Variants in NUDCD3 observed in about 807,000 individuals in gnomAD.
NUDCD3 encodes the protein NudC domain containing 3, also known as nudC domain-containing protein 3.
Under a neutral mutation model 39.7 loss-of-function variants are expected in NUDCD3, and 13 were observed. The observed-to-expected ratio is 0.33, with a 90% CI of 0.21 to 0.52. NUDCD3 has a LOEUF of 0.52. NUDCD3 is among the 20% of genes least tolerant of loss of function. NUDCD3 has a pLI of 0.96. For synonymous variants in NUDCD3, 175 were observed against 172.4 expected, an observed-to-expected ratio of 1.02 and a Z score of -0.12; for missense variants, 453 against 458.1, an observed-to-expected ratio of 0.99 and a Z score of 0.10.
chr7:44,405,635 T>C (rs181723861), intron 3 of NUDCD3, among the ~76,000 whole-genome samples: 21 of 152,196 alleles, frequency 1.4e-4, no homozygotes, highest in African/African-American at 4.8e-4. Flanking sequence ...TAAACGCTTA[T>C]AAAATGATTG....
Position 44,386,123 on chromosome 7 carries a change from T to TGA in NUDCD3, c.976-3_976-2insTC. ...CTTCTTCAGCATCTCATGGACTTTC[T>TGA]ACAAACAGAAAATAGAGAGATTAAA... is the stretch of plus-strand genomic sequence containing the variant. On this transcript the variant is annotated splice_polypyrimidine_tract_variant and splice_region_variant and intron_variant, in intron 5 of 5. Transcript: ENST00000355451. 6.2e-7 allele frequency: 1 copy of TGA among 1,614,128 alleles called. No individual in the cohort carries two copies. The highest frequency in any genetic ancestry group is 1.7e-5 in the Admixed American group (1 of 60,016).
chr7:44,396,183 T>TA (rs1798621813), intron 4 of NUDCD3, among the ~76,000 whole-genome samples: 1 of 151,834 alleles, frequency 6.6e-6, no homozygotes, highest in South Asian at 2.1e-4. Flanking sequence ...GTCCTGACCA[T>TA]ATACACACAG....
At chr7:44,457,914 C>T (rs967185139) in intron 2 of NUDCD3, among the ~76,000 whole-genome samples, 2 of 152,188 alleles carry the variant, frequency 1.3e-5, no homozygotes, top group African/African-American at 4.8e-5. Flanking sequence ...CTTTGGAAAA[C>T]AGCCTGGCAC....
At chr7:44,422,610 A>C (rs1284465244) in intron 3 of NUDCD3, among the ~76,000 whole-genome samples, 9 of 152,228 alleles carry the variant, frequency 5.9e-5, no homozygotes, top group Admixed American at 5.2e-4. Flanking sequence ...CCCTGAAAAG[A>C]CCAATAACAA....
intron 5 of NUDCD3, among the ~76,000 whole-genome samples, chr7:44,389,018 A>G (rs1466758772): frequency 1.3e-5 from 2 of 152,252 alleles, no homozygotes; most frequent in East Asian, 1.9e-4. Context: ...TTGCAGGCAC[A>G]GGGACTTTCT....
intron 2 of NUDCD3, among the ~76,000 whole-genome samples, chr7:44,475,983 C>G (rs1433096823): frequency 6.6e-6 from 1 of 152,010 alleles, no homozygotes; most frequent in Non-Finnish European, 1.5e-5. Context: ...TACTTGAGTG[C>G]ACACTCTGTC....
Position 44,463,406 on chromosome 7 carries a change from C to G in NUDCD3, c.509+21562G>C, listed in dbSNP as rs549916124. ...GCAGCTGACATAGTCCATGCCCAGC[C>G]AAGCCACCAACAATGTCTAGAGACC... On this transcript the variant is annotated intron_variant, in intron 2 of 5. Transcript: ENST00000355451. Among the ~76,000 whole-genome samples the G allele has an allele frequency of 1.2e-4, 19 of 152,280 alleles. No individual in the cohort carries two copies. In the South Asian group the frequency reaches 3.9e-3, roughly 32 times the overall value.
chr7:44,483,007 T>G (rs559986638), intron 2 of NUDCD3, among the ~76,000 whole-genome samples: 1 of 152,100 alleles, frequency 6.6e-6, no homozygotes. Context: ...GACAGTAAAG[T>G]TGAAGACAGG....
chr7:44,477,105 A>G (rs775732871), intron 2 of NUDCD3, among the ~76,000 whole-genome samples: 1 of 152,198 alleles, frequency 6.6e-6, no homozygotes, highest in Non-Finnish European at 1.5e-5. Flanking sequence ...AGTACTGAAC[A>G]GTTTTCTCAG....
At chr7:44,425,666 C>A (rs556708003) in intron 3 of NUDCD3, among the ~76,000 whole-genome samples, 11 of 152,192 alleles carry the variant, frequency 7.2e-5, no homozygotes, top group African/African-American at 2.6e-4. Context: ...GAGTTCAAGA[C>A]CAGCCTGGGA....
chr7:44,451,630 G>A (rs1162480396), intron 2 of NUDCD3, among the ~76,000 whole-genome samples: 1 of 152,076 alleles, frequency 6.6e-6, no homozygotes, highest in Admixed American at 6.5e-5. Flanking sequence ...GGGAATGGAG[G>A]TGGAAGGATG....
In NUDCD3 at chr7:44,485,353, G is replaced by A. The variant is rs1585112029; in HGVS notation, c.193-69C>T. The A allele has an allele frequency of 9.7e-6, 13 of 1,343,168 alleles. No individual in the cohort carries two copies. In the East Asian group the frequency reaches 2.8e-4, roughly 29 times the overall value. The allele number at this position is 1,343,168 out of a possible 1,614,324, so 83.2% of individuals were successfully genotyped here. A position where few individuals can be genotyped will look rare whatever the true frequency, so the allele number is the denominator to read the frequency against. ...ACTGTACCACATATCTTGTAGAAATGTCGTAAAATCTGTGAAGGAGAGAAC... is the reference window on the plus strand; with the variant it reads ...ACTGTACCACATATCTTGTAGAAATATCGTAAAATCTGTGAAGGAGAGAAC... On this transcript the variant is annotated intron_variant, in intron 1 of 5. Coordinates refer to ENST00000355451, the MANE Select transcript of NUDCD3 (RefSeq NM_015332.4).
intron 2 of NUDCD3, among the ~76,000 whole-genome samples, chr7:44,479,563 T>C (rs1800446353): frequency 6.6e-6 from 1 of 152,232 alleles, no homozygotes; most frequent in Non-Finnish European, 1.5e-5. Flanking sequence ...ACTGAATTTA[T>C]TTAAATTAAA....
intron 2 of NUDCD3, among the ~76,000 whole-genome samples, chr7:44,470,965 C>T (rs548184812): frequency 3.9e-5 from 6 of 152,164 alleles, no homozygotes; most frequent in Non-Finnish European, 7.3e-5. Context: ...TGTTAAAATT[C>T]AAAGGTTGAT....
intron 1 of NUDCD3, among the ~76,000 whole-genome samples, chr7:44,486,580 T>C (rs1372661569): frequency 6.6e-6 from 1 of 152,188 alleles, no homozygotes; most frequent in African/African-American, 2.4e-5. Context: ...ACCAGAACCA[T>C]TTTTACTTCT....
At chr7:44,390,488 A>G (rs574892174) in intron 5 of NUDCD3, among the ~76,000 whole-genome samples, 102 of 152,348 alleles carry the variant, frequency 6.7e-4, no homozygotes, top group African/African-American at 2.3e-3. Flanking sequence ...GCTCAGTGTC[A>G]GTGTCTGGGG....
chr7:44,408,189 G>C (rs1173524873), intron 3 of NUDCD3, among the ~76,000 whole-genome samples: 2 of 152,034 alleles, frequency 1.3e-5, no homozygotes, highest in Non-Finnish European at 2.9e-5. Context: ...CCCAAACTGA[G>C]AAATAAGTGA....
At chr7:44,419,002 G>C (rs1262956624) in intron 3 of NUDCD3, among the ~76,000 whole-genome samples, 4 of 152,194 alleles carry the variant, frequency 2.6e-5, no homozygotes, top group African/African-American at 9.6e-5. Flanking sequence ...CAGACACTGA[G>C]CTAGCTGCAG....
intron 2 of NUDCD3, among the ~76,000 whole-genome samples, chr7:44,472,881 C>T (rs530418925): frequency 4.6e-5 from 7 of 152,192 alleles, no homozygotes; most frequent in African/African-American, 1.7e-4. Flanking sequence ...AGTGAGAGAA[C>T]AGACACAAAC....
Sources: allele counts gnomAD v4.1 joint callset (sites outside exome capture counted in the v4.1 genomes callset), GRCh38; gene constraint gnomAD v4.1.1; transcripts MANE v1.5; gene names NCBI Gene and HGNC (gene_info 2026-07-23, HGNC 2026-07-21).